Variants in DNAH9 observed in about 807,000 individuals in gnomAD.
DNAH9 encodes DNAH9 variant protein.
A neutral mutation model predicts 471.6 loss-of-function variants in DNAH9; 345 were observed. That is an observed-to-expected ratio of 0.73 (90% CI 0.67 to 0.80). The LOEUF (loss-of-function observed/expected upper bound fraction) is 0.80. DNAH9 is among the 30% of genes least tolerant of loss of function. DNAH9 has a pLI of 0.00. For missense variants in DNAH9, 5,407 were observed against 5,609.2 expected, an observed-to-expected ratio of 0.96 and a Z score of 1.15; for synonymous variants, 2,093 against 2,123.6, an observed-to-expected ratio of 0.99 and a Z score of 0.40.
chr17:11,795,822 C>T (rs1969219653), intron 42 of DNAH9, among the ~76,000 whole-genome samples: 1 of 152,172 alleles, frequency 6.6e-6, no homozygotes, highest in Non-Finnish European at 1.5e-5. Flanking sequence ...GCCTTTTGAT[C>T]ACAGACCCAG....
At chr17:11,679,196 C>T (rs1051642501) in intron 17 of DNAH9, among the ~76,000 whole-genome samples, 1 of 152,136 alleles carries the variant, frequency 6.6e-6, no homozygotes, top group African/African-American at 2.4e-5. Context: ...TTTCTTCCTG[C>T]CATATAGTAA....
chr17:11,674,352 C>A (rs979267202), intron 17 of DNAH9, among the ~76,000 whole-genome samples: 1 of 152,200 alleles, frequency 6.6e-6, no homozygotes, highest in East Asian at 1.9e-4. Flanking sequence ...ATCCTCCCCA[C>A]CTCTTAGTAT....
chr17:11,909,741 A>T (rs777525686), intron 61 of DNAH9, among the ~76,000 whole-genome samples: 1 of 152,100 alleles, frequency 6.6e-6, no homozygotes, highest in South Asian at 2.1e-4. Flanking sequence ...AAATTTTTCA[A>T]CAGCTGCACT....
chr17:11,670,407 C>T (rs572822586), intron 17 of DNAH9, among the ~76,000 whole-genome samples: 3 of 152,250 alleles, frequency 2.0e-5, no homozygotes, highest in African/African-American at 7.2e-5. Context: ...TCCCCAGATA[C>T]CCACCACAAT....
chr17:11,726,108 T>C (rs1045619899), intron 27 of DNAH9, among the ~76,000 whole-genome samples: 1 of 152,162 alleles, frequency 6.6e-6, no homozygotes, highest in Non-Finnish European at 1.5e-5. Context: ...ATTTCTTCCA[T>C]AATCTTCCTC....
chr17:11,646,315 T>C (rs917763381), intron 11 of DNAH9, among the ~76,000 whole-genome samples: 3 of 152,062 alleles, frequency 2.0e-5, no homozygotes, highest in Non-Finnish European at 4.4e-5. Flanking sequence ...TTCTTTAGGA[T>C]TGCAGTTGCT....
At chr17:11,953,088 ACTTAAC>A (rs1975456006) in intron 67 of DNAH9, among the ~76,000 whole-genome samples, 1 of 152,184 alleles carries the variant, frequency 6.6e-6, no homozygotes, top group Non-Finnish European at 1.5e-5. Context: ...TTATGACGTC[ACTTAAC>A]CTTAATTACC....
rs775535605 is a variant in DNAH9, at chr17:11,598,572, T to A, written c.74T>A (p.Leu25Gln). ...GGGGAACCCGGCGCCGACCGACGAC[T>A]GCGACTCCTGGGGACCTACGTGGCC... ...ADGEPGADRRLRLLGTYVAMS... is the reference protein window; with the variant it reads ...ADGEPGADRRQRLLGTYVAMS... The change falls in exon 1 of 69, where the codon CTG (leucine) becomes CAG (glutamine). Residue 25 changes from leucine to glutamine, a missense_variant. Coordinates refer to ENST00000262442, the MANE Select transcript of DNAH9 (RefSeq NM_001372.4). 2.2e-6 allele frequency: 3 copies of A among 1,341,826 alleles called. No homozygotes were observed. Among genetic ancestry groups the A allele is most frequent in the East Asian group, 6.0e-5 (2 of 33,114 alleles). The allele number at this position is 1,341,826 out of a possible 1,614,324, so 83.1% of individuals were successfully genotyped here.
rs781081259 is a variant in DNAH9, at chr17:11,693,834, T to A, written c.4615-34T>A. On this transcript the variant is annotated intron_variant, in intron 20 of 68. Coordinates refer to ENST00000262442, the MANE Select transcript of DNAH9 (RefSeq NM_001372.4). ...GGGAGCTTCTAGGAACTGAGTGGAG[T>A]GGTGGTTAATTGCTTCCACATTTTT... The A allele has an allele frequency of 2.5e-6, 4 of 1,613,466 alleles. No homozygotes were observed. The South Asian group carries it at 4.4e-5, about 18-fold the overall frequency.
At chr17:11,861,004 C>T (rs991212924) in intron 50 of DNAH9, among the ~76,000 whole-genome samples, 2 of 150,190 alleles carry the variant, frequency 1.3e-5, no homozygotes, top group African/African-American at 4.9e-5. Flanking sequence ...TGAAACTTTA[C>T]ATTGATGTGC....
intron 53 of DNAH9, 36 bp downstream of exon 53, chr17:11,875,220 A>G (rs1054414989): frequency 6.4e-7 from 1 of 1,562,626 alleles, no homozygotes; most frequent in Non-Finnish European, 8.8e-7. Context: ...CACTTTAGCC[A>G]TTTGTGCAGG....
intron 67 of DNAH9, among the ~76,000 whole-genome samples, chr17:11,961,160 C>A (rs1275989788): frequency 6.6e-6 from 1 of 151,842 alleles, no homozygotes; most frequent in Non-Finnish European, 1.5e-5. Context: ...ACTGAAAATA[C>A]AAAAATTAGC....
At position 11,793,641 on chromosome 17, in the gene DNAH9, G is replaced by A; in HGVS notation, c.8200G>A (p.Glu2734Lys). ...TGATCTTTTTGATAAAATCCAGACAGAAGTGCTCAAGAAAACTTTTGATGT... is the reference window on the plus strand; with the variant it reads ...TGATCTTTTTGATAAAATCCAGACAAAAGTGCTCAAGAAAACTTTTGATGT... ...DFDLFDKIQT[E>K]VLKKTFDDIE... The change falls in exon 42 of 69, where the codon GAA (glutamate) becomes AAA (lysine). Residue 2734 changes from glutamate (E) to lysine (K), a missense_variant. Glu to Lys is a moderately conservative substitution (Grantham distance 56). Transcript: ENST00000262442. 6.2e-7 allele frequency: 1 copy of A among 1,611,992 alleles called. No individual in the cohort carries two copies. Among genetic ancestry groups the A allele is most frequent in the East Asian group, 2.2e-5 (1 of 44,832 alleles).
intron 8 of DNAH9, among the ~76,000 whole-genome samples, chr17:11,635,335 T>TG (rs1395852011): frequency 2.3e-4 from 23 of 102,182 alleles, no homozygotes; most frequent in African/African-American, 8.3e-4. Context: ...ACTCGCTAAT[T>TG]TTTTTTTTTT....
chr17:11,904,087 A>C (rs1973506312), intron 60 of DNAH9, among the ~76,000 whole-genome samples: 1 of 152,174 alleles, frequency 6.6e-6, no homozygotes, highest in African/African-American at 2.4e-5. Flanking sequence ...ACATTTAAGA[A>C]GTTTCCAAGT....
intron 35 of DNAH9, 51 bp from the exon 36 acceptor site, chr17:11,763,389 C>T: frequency 1.9e-6 from 3 of 1,538,546 alleles, no homozygotes; most frequent in Non-Finnish European, 2.7e-6. Context: ...ACAGCACCAC[C>T]AGAATGGAAT....
At chr17:11,851,809 AAG>A (rs1971430084) in intron 49 of DNAH9, among the ~76,000 whole-genome samples, 1 of 151,788 alleles carries the variant, frequency 6.6e-6, no homozygotes. Context: ...CTAAAACCAA[AAG>A]AGTCATGATT....
Position 11,705,304 on chromosome 17 carries a change from G to A in DNAH9, c.5552+119G>A, listed in dbSNP as rs1035997163. The A allele has an allele frequency of 3.8e-5, 32 of 848,406 alleles. No individual in the cohort carries two copies. In the African/African-American group the frequency reaches 5.2e-4, roughly 14 times the overall value. 52.6% of individuals were successfully genotyped at this position (848,406 alleles called of 1,614,324 possible). ...TTGTCCATAGAGCTACAGGGAAAGG[G>A]CCTGACTCAACACAGCCTGTTTAAA... On this transcript the variant is annotated intron_variant, in intron 26 of 68. Coordinates refer to ENST00000262442, the MANE Select transcript of DNAH9 (RefSeq NM_001372.4).
At chr17:11,770,046 A>G (rs1968139048) in intron 38 of DNAH9, among the ~76,000 whole-genome samples, 1 of 152,168 alleles carries the variant, frequency 6.6e-6, no homozygotes, top group Non-Finnish European at 1.5e-5. Context: ...CTTACTTCCC[A>G]AACACCGACA....
Sources: allele counts gnomAD v4.1 joint callset (sites outside exome capture counted in the v4.1 genomes callset), GRCh38; gene constraint gnomAD v4.1.1; transcripts MANE v1.5; gene names NCBI Gene and HGNC (gene_info 2026-07-23, HGNC 2026-07-21).